Variants in ZWILCH observed in about 807,000 individuals in gnomAD.
ZWILCH encodes zwilch kinetochore protein.
Under a neutral mutation model 79.9 loss-of-function variants are expected in ZWILCH, and 74 were observed. That is an observed-to-expected ratio of 0.93 (90% CI 0.77 to 1.12). The LOEUF (loss-of-function observed/expected upper bound fraction) is 1.12. ZWILCH is among the 50% of genes most tolerant of loss of function. The pLI is 0.00. For missense variants in ZWILCH, 694 were observed against 687.5 expected, an observed-to-expected ratio of 1.01 and a Z score of -0.11; for synonymous variants, 241 against 228.2, an observed-to-expected ratio of 1.06 and a Z score of -0.51.
intron 14 of ZWILCH, 91 bp from the exon 15 acceptor site, chr15:66,535,842 C>T: frequency 9.2e-7 from 1 of 1,089,332 alleles, no homozygotes; most frequent in Non-Finnish European, 1.3e-6. Flanking sequence ...ATCAAGCATC[C>T]AAATGTAGGT....
At chr15:66,535,836 A>G in intron 14 of ZWILCH, 97 bp from the exon 15 acceptor site, 1 of 1,038,314 alleles carries the variant, frequency 9.6e-7, no homozygotes, top group Non-Finnish European at 1.3e-6. Context: ...CCTGTTATCA[A>G]GCATCCAAAT....
At chr15:66,510,450 G>A (rs963577674) in intron 2 of ZWILCH, among the ~76,000 whole-genome samples, 4 of 151,204 alleles carry the variant, frequency 2.6e-5, no homozygotes, top group Non-Finnish European at 5.9e-5. Context: ...CAAAGGACAC[G>A]AGTAAGTAAT....
chr15:66,509,863 ATATATATC>A lies in ZWILCH; in HGVS notation c.105+973_105+980del, dbSNP rs1159599429. On this transcript the variant is annotated intron_variant, in intron 2 of 18. Coordinates refer to ENST00000307897, the MANE Select transcript of ZWILCH (RefSeq NM_017975.5). The stretch of plus-strand genomic sequence containing the variant: ...TATATATATATATATATATATATAT[ATATATATC>A]TCTTAAAAATCAATGAGGAAGATGG... Among the ~76,000 whole-genome samples, 728 of 87,462 alleles carry A rather than the reference ATATATATC, an allele frequency of 8.3e-3. 17 individuals carry two copies. Among genetic ancestry groups the A allele is most frequent in the Non-Finnish European group, 0.014 (566 of 41,260 alleles). 57.4% of individuals were successfully genotyped at this position (87,462 alleles called of 152,430 possible).
chr15:66,523,719 C>T lies in ZWILCH; in HGVS notation c.790C>T (p.His264Tyr). 6.2e-7 allele frequency: 1 copy of T among 1,612,720 alleles called. No individual in the cohort carries two copies. Among genetic ancestry groups the T allele is most frequent in the Non-Finnish European group, 8.5e-7 (1 of 1,179,118 alleles). Residue 264 changes from histidine (H) to tyrosine (Y), a missense_variant, in exon 8 of 19, where the codon CAT becomes TAT. By Grantham distance (83) the His-to-Tyr change is moderately conservative. Coordinates refer to ENST00000307897, the MANE Select transcript of ZWILCH (RefSeq NM_017975.5). ...AGGAGAGCCCAGAGGTCCTTTGAAT[C>T]ATCTCTACAGAGAACTGAAATTTCT... Reference protein sequence around the residue: ...ESGEPRGPLNHLYRELKFLLV... With the variant: ...ESGEPRGPLNYLYRELKFLLV...
At chr15:66,534,308 A>T (rs1412020011) in intron 14 of ZWILCH, among the ~76,000 whole-genome samples, 2 of 152,210 alleles carry the variant, frequency 1.3e-5, no homozygotes, top group Non-Finnish European at 2.9e-5. Flanking sequence ...CATAGGTTAT[A>T]TGCAAATACT....
rs745707724 is a variant in ZWILCH at position 66,535,982 on chromosome 15, T to A, written c.1391T>A (p.Val464Asp). 1 of 1,612,726 alleles carries A rather than the reference T, an allele frequency of 6.2e-7. No homozygotes were observed. Among genetic ancestry groups the A allele is most frequent in the Non-Finnish European group, 8.5e-7 (1 of 1,179,646 alleles). Residue 464 changes from valine to aspartate, a missense_variant, in exon 15 of 19, where the codon GTC (valine) becomes GAC (aspartate). By Grantham distance (152) the Val-to-Asp change is radical (BLOSUM62 -3). Coordinates refer to ENST00000307897, the MANE Select transcript of ZWILCH (RefSeq NM_017975.5). ...SVDIQEQVYR[V>D]QKLHHILEIL... ...GATATACAAGAACAGGTTTATCGTG[T>A]CCAAAAACTCCACCATATTCTAGAA...
intron 17 of ZWILCH, among the ~76,000 whole-genome samples, chr15:66,544,724 T>TTTGTGTGTGTGTGTGTG (rs145952622): frequency 1.8e-4 from 23 of 128,542 alleles, no homozygotes; most frequent in African/African-American, 6.1e-4. Flanking sequence ...TTTTTGGTTT[T>TTTGTGTGTGTGTGTGTG]TGTGTGTGTG....
Position 66,527,839 on chromosome 15 carries a change from A to G in ZWILCH, c.914-18A>G, listed in dbSNP as rs1030940762. 6.3e-7 allele frequency: 1 copy of G among 1,591,722 alleles called. No individual in the cohort carries two copies. Among genetic ancestry groups the G allele is most frequent in the Non-Finnish European group, 8.5e-7 (1 of 1,173,978 alleles). On this transcript the variant is annotated intron_variant, in intron 9 of 18. Transcript: ENST00000307897. ...AAGCAGAAAAATCAAGAGCTAATAA[A>G]CTTTTGCCACTTTCTAGACTTAAAT...
intron 8 of ZWILCH, among the ~76,000 whole-genome samples, chr15:66,524,795 A>G (rs930725549): frequency 3.9e-4 from 60 of 152,088 alleles, no homozygotes; most frequent in Non-Finnish European, 1.2e-4. Context: ...TATAAAACTG[A>G]TAGTTTTCCT....
intron 4 of ZWILCH, among the ~76,000 whole-genome samples, chr15:66,517,778 G>A (rs1222305401): frequency 3.4e-5 from 4 of 118,256 alleles, no homozygotes; most frequent in East Asian, 5.5e-4. Flanking sequence ...TGTCGCCCAG[G>A]CTGGAGTGCA....
chr15:66,530,491 G>A (rs1894822017), intron 12 of ZWILCH, among the ~76,000 whole-genome samples: 1 of 152,112 alleles, frequency 6.6e-6, no homozygotes, highest in South Asian at 2.1e-4. Context: ...AAAAAAATTA[G>A]CCAGGCATGG....
chr15:66,505,547 C>A (rs1378897033), intron 1 of ZWILCH, 156 bp downstream of exon 1: 1 of 801,614 alleles, frequency 1.2e-6, no homozygotes, highest in Non-Finnish European at 2.0e-6. Flanking sequence ...TTCTCGGCTC[C>A]GGTGTGGGGT....
intron 10 of ZWILCH, among the ~76,000 whole-genome samples, chr15:66,528,225 C>T (rs562684061): frequency 6.6e-6 from 1 of 152,158 alleles, no homozygotes. Context: ...CACCTCAGGT[C>T]CCCGAGTAGC....
At chr15:66,512,849 G>T (rs1331366415) in intron 2 of ZWILCH, among the ~76,000 whole-genome samples, 1 of 152,222 alleles carries the variant, frequency 6.6e-6, no homozygotes, top group Non-Finnish European at 1.5e-5. Flanking sequence ...TGGCTGGAGT[G>T]CAGTGGCACA....
chr15:66,508,733 G>T, intron 1 of ZWILCH, 108 bp from the exon 2 acceptor site: 13 of 1,494,726 alleles, frequency 8.7e-6, no homozygotes, highest in Admixed American at 4.7e-5. Context: ...CTTGCTTTTT[G>T]CCTTTCCTAT....
At chr15:66,520,500 A>G (rs1260213331) in intron 5 of ZWILCH, 90 bp from the exon 6 acceptor site, 1 of 694,082 alleles carries the variant, frequency 1.4e-6, no homozygotes, top group Non-Finnish European at 2.6e-6. Flanking sequence ...GAGTTGTGGT[A>G]CATTGAGAAT....
intron 8 of ZWILCH, among the ~76,000 whole-genome samples, chr15:66,524,208 A>G (rs35459626): frequency 0.069 from 10,475 of 152,236 alleles, 419 homozygotes; most frequent in Middle Eastern, 0.11. Context: ...AACTGCCAAA[A>G]TATAACTGTT....
At chr15:66,523,067 C>G (rs924826410) in intron 7 of ZWILCH, among the ~76,000 whole-genome samples, 5 of 152,226 alleles carry the variant, frequency 3.3e-5, no homozygotes, top group African/African-American at 1.2e-4. Flanking sequence ...AACTGATTCA[C>G]TCACCTCGGC....
At chr15:66,517,408 T>TTGTGTG (rs1041183263) in intron 4 of ZWILCH, among the ~76,000 whole-genome samples, 1 of 44,150 alleles carries the variant, frequency 2.3e-5, no homozygotes, top group African/African-American at 9.1e-5. Context: ...GATTTTGTGT[T>TTGTGTG]TGTGTGTGCG....
Sources: gnomAD v4.1 joint callset for allele counts (sites outside exome capture counted in the v4.1 genomes callset) on GRCh38, gnomAD v4.1.1 for gene constraint, MANE v1.5 for transcripts, NCBI Gene and HGNC (gene_info 2026-07-23, HGNC 2026-07-21) for gene names.